Variants in DPF1 observed in about 807,000 individuals in gnomAD.
The protein encoded by DPF1 is zinc finger protein neuro-d4.
DPF1 carries 14 observed loss-of-function variants against 58.7 expected under a neutral mutation model. That is an observed-to-expected ratio of 0.24 (90% CI 0.16 to 0.37). DPF1 has a LOEUF of 0.37. DPF1 is among the 10% of genes least tolerant of loss of function. The probability of loss-of-function intolerance (pLI) is 1.00; values close to 1 mark genes in which losing one functional copy is unlikely to be tolerated. For missense variants in DPF1, 345 were observed against 529.9 expected (o/e 0.65, Z 3.43); for synonymous variants, 216 against 216.0 (o/e 1.00, Z 0.00).
chr19:38,227,480 C>A (rs765776820), upstream of DPF1, among the ~76,000 whole-genome samples: 1 of 152,102 alleles, frequency 6.6e-6, no homozygotes, highest in Non-Finnish European at 1.5e-5. Flanking sequence ...CCCACATACT[C>A]TCCTACACAC....
Position 38,222,615 on chromosome 19 carries a change from G to T in DPF1, c.123C>A (p.Leu41=), listed in dbSNP as rs748567481. Residue 41 remains leucine (L), a synonymous_variant, in exon 2 of 12, where the codon CTC becomes CTA. Coordinates refer to ENST00000355526, the MANE Select transcript of DPF1 (RefSeq NM_001135155.3). The surrounding 1 kb of genome is among the most constrained non-coding windows in gnomAD (Gnocchi z 4.9). ...CAERSLRLPF[L]DSQTGVAQNN... is the part of the protein sequence containing the mutation. ...TCTGGGCCACGCCGGTCTGCGAGTC[G>T]AGGAAGGGCAGTCGCAGGCTGCGCT... 1 of 1,611,946 alleles carries T rather than the reference G, an allele frequency of 6.2e-7. No homozygotes were observed. Among genetic ancestry groups the T allele is most frequent in the African/African-American group, 1.3e-5 (1 of 74,862 alleles).
chr19:38,224,052 C>T lies in DPF1; in HGVS notation c.29+62G>A. 3 of 1,464,932 alleles carry T rather than the reference C, an allele frequency of 2.0e-6. No homozygotes were observed. The highest frequency in any genetic ancestry group is 2.7e-6 in the Non-Finnish European group (3 of 1,118,866). The allele number at this position is 1,464,932 out of a possible 1,614,324, so 90.7% of individuals were successfully genotyped here. A position where few individuals can be genotyped will look rare whatever the true frequency, so the allele number is the denominator to read the frequency against. On this transcript the variant is annotated intron_variant, in intron 1 of 11. Transcript: ENST00000355526. The surrounding 1 kb of genome is among the most constrained non-coding windows in gnomAD (Gnocchi z 4.5). The stretch of plus-strand genomic sequence containing the variant: ...TTCGGCCCCACCCCCGGTCGCCACA[C>T]ACACACAGGCCCGCGTAGACCCGCC...
At chr19:38,228,275 C>T (rs984762410), upstream of DPF1, among the ~76,000 whole-genome samples, 1 of 152,030 alleles carries the variant, frequency 6.6e-6, no homozygotes, top group African/African-American at 2.4e-5. Context: ...AACTCCCACC[C>T]TCCACCTCCC....
chr19:38,221,503 G>A (rs535775502), intron 3 of DPF1, among the ~76,000 whole-genome samples: 1 of 150,510 alleles, frequency 6.6e-6, no homozygotes, highest in African/African-American at 2.5e-5. Context: ...TTGCGCCACT[G>A]TACTCCAGCC....
At chr19:38,214,719 T>C (rs1966885060) in intron 9 of DPF1, among the ~76,000 whole-genome samples, 1 of 152,014 alleles carries the variant, frequency 6.6e-6, no homozygotes, top group Admixed American at 6.6e-5. Flanking sequence ...GGCTGCAGCA[T>C]AGTGGCACCA....
chr19:38,228,852 G>A (rs1285834675), upstream of DPF1, among the ~76,000 whole-genome samples: 1 of 151,720 alleles, frequency 6.6e-6, no homozygotes, highest in African/African-American at 2.4e-5. Context: ...AGGGAGAAAG[G>A]GAGGGAATCC....
At chr19:38,226,085 G>A (rs997867481), upstream of DPF1, among the ~76,000 whole-genome samples, 1 of 151,954 alleles carries the variant, frequency 6.6e-6, no homozygotes, top group Admixed American at 6.6e-5. Flanking sequence ...GAAGGAAGGA[G>A]GCAGGCACCC....
chr19:38,211,272 CG>C lies in DPF1; in HGVS notation c.*790del, dbSNP rs1013897156. The stretch of plus-strand genomic sequence containing the variant: ...GGGGGGCGGGGGCCGCCAGGCCTGG[CG>C]GGGCGGGAGGAGGGAGAGAAAAGGA... On this transcript the variant is annotated 3_prime_UTR_variant, in exon 12 of 12. Transcript: ENST00000355526. The surrounding 1 kb of genome is among the most constrained non-coding windows in gnomAD (Gnocchi z 4.0). 3.3e-5 allele frequency: 5 copies of C among 151,518 alleles called. No individual in the cohort carries two copies. The highest frequency in any genetic ancestry group is 1.2e-4 in the African/African-American group (5 of 41,284). The allele number at this position is 151,518 out of a possible 1,614,324, so 9.4% of individuals were successfully genotyped here. A position where few individuals can be genotyped will look rare whatever the true frequency, so the allele number is the denominator to read the frequency against.
rs1273989196 is a variant in DPF1, at chr19:38,211,901, G to A, written c.*162C>T. The stretch of plus-strand genomic sequence containing the variant: ...CTGGCCGGGCCCACCCACCCACAGG[G>A]CAGACATTCCACTTGCACAGAGGGG... On this transcript the variant is annotated 3_prime_UTR_variant, in exon 12 of 12. Transcript: ENST00000355526. The surrounding 1 kb of genome is among the most constrained non-coding windows in gnomAD (Gnocchi z 4.0). The A allele has an allele frequency of 4.0e-6, 3 of 745,734 alleles. No homozygotes were observed. The highest frequency in any genetic ancestry group is 6.5e-6 in the Non-Finnish European group (3 of 463,236). The allele number at this position is 745,734 out of a possible 1,614,324, so 46.2% of individuals were successfully genotyped here.
Position 38,224,162 on chromosome 19 carries a change from C to CT in DPF1, c.-21_-20insA. The CT allele has an allele frequency of 6.9e-7, 1 of 1,452,854 alleles. No individual in the cohort carries two copies. The highest frequency in any genetic ancestry group is 9.0e-7 in the Non-Finnish European group (1 of 1,106,144). The allele number at this position is 1,452,854 out of a possible 1,614,324, so 90.0% of individuals were successfully genotyped here. A position where few individuals can be genotyped will look rare whatever the true frequency, so the allele number is the denominator to read the frequency against. ...GGCCATCTTGCTCCCCGGGTCCTGC[C>CT]CCCAGCAGGTCCCCGCCGGGTCGGT... is the stretch of plus-strand genomic sequence containing the variant. On this transcript the variant is annotated 5_prime_UTR_variant, in exon 1 of 12. Transcript: ENST00000355526. The surrounding 1 kb of genome is among the most constrained non-coding windows in gnomAD (Gnocchi z 4.5).
chr19:38,216,037 C>G (rs2278430), intron 9 of DPF1, 103 bp downstream of exon 9: 739,948 of 1,491,184 alleles, frequency 0.5, 188,327 homozygotes, highest in East Asian at 0.78. Context: ...CTACATGCTC[C>G]GGGTCCCCTC....
In DPF1 at chr19:38,218,344, G is replaced by T. The variant is rs1045424982; in HGVS notation, c.516+229C>A. ...CCTCTGTGGCATGGGGATGAAGGTA[G>T]CTCTAACCCACTGCATAATCTCTGC... is the stretch of plus-strand genomic sequence containing the variant. On this transcript the variant is annotated intron_variant, in intron 5 of 11. Coordinates refer to ENST00000355526, the MANE Select transcript of DPF1 (RefSeq NM_001135155.3). Among the ~76,000 whole-genome samples the T allele has an allele frequency of 2.6e-5, 4 of 152,356 alleles. No homozygotes were observed. The East Asian group carries it at 7.7e-4, about 29-fold the overall frequency.
upstream of DPF1, among the ~76,000 whole-genome samples, chr19:38,227,034 CT>C (rs1967862384): frequency 1.0e-4 from 14 of 135,088 alleles, no homozygotes; most frequent in East Asian, 6.5e-4. Context: ...TCCTTCCTTC[CT>C]TTCTTTCTTT....
At chr19:38,219,909 T>G (rs67737736) in intron 3 of DPF1, 28,261 of 151,890 alleles carry the variant, frequency 0.19, 2,725 homozygotes, top group African/African-American at 0.22. Flanking sequence ...GCCAGGCGCG[T>G]TGGCTCACAC....
chr19:38,218,639 C>T lies in DPF1; in HGVS notation c.450G>A (p.Pro150=), dbSNP rs750895914. The T allele has an allele frequency of 8.1e-6, 13 of 1,614,062 alleles. No homozygotes were observed. The East Asian group carries it at 1.1e-4, about 14-fold the overall frequency. Residue 150 remains proline (P), a synonymous_variant, in exon 5 of 12, where the codon CCG becomes CCA. Coordinates refer to ENST00000355526, the MANE Select transcript of DPF1 (RefSeq NM_001135155.3). ...CCAAGTCTTCCACCTCGAGGTCATG[C>T]GGAAACTCCAGCAACTGCTGTTTCT... The part of the protein sequence containing the change: ...DCQKQQLLEF[P]HDLEVEDLED...
In DPF1 at chr19:38,222,946, G is replaced by A. The variant is rs1003952158; in HGVS notation, c.30-238C>T. On this transcript the variant is annotated intron_variant, in intron 1 of 11. Coordinates refer to ENST00000355526, the MANE Select transcript of DPF1 (RefSeq NM_001135155.3). The surrounding 1 kb of genome is among the most constrained non-coding windows in gnomAD (Gnocchi z 4.9). ...AGCTCATGAGTAGAAACACGATACA[G>A]AAACAAACAAAAACACACCGGGACG... The A allele has an allele frequency of 3.8e-5, 20 of 524,544 alleles. No individual in the cohort carries two copies. Among genetic ancestry groups the A allele is most frequent in the Non-Finnish European group, 4.9e-5 (15 of 305,166 alleles). The allele number at this position is 524,544 out of a possible 1,614,324, so 32.5% of individuals were successfully genotyped here.
chr19:38,217,631 C>T (rs933338468), intron 6 of DPF1, 40 bp from the exon 7 acceptor site: 19 of 1,530,402 alleles, frequency 1.2e-5, no homozygotes, highest in Non-Finnish European at 1.7e-5. Flanking sequence ...TCAGCCCCTC[C>T]GGGCCCCTGC....
Position 38,222,219 on chromosome 19 carries a change from A to G in DPF1, c.298+138T>C. The G allele has an allele frequency of 1.4e-6, 1 of 728,024 alleles. No individual in the cohort carries two copies. The highest frequency in any genetic ancestry group is 2.2e-6 in the Non-Finnish European group (1 of 452,848). The allele number at this position is 728,024 out of a possible 1,614,324, so 45.1% of individuals were successfully genotyped here. ...AGAAACTGTGGAATCTCTGGGAAACACCCGGGACGCACATGGGCAGACAGA... is the reference window on the plus strand; with the variant it reads ...AGAAACTGTGGAATCTCTGGGAAACGCCCGGGACGCACATGGGCAGACAGA... On this transcript the variant is annotated intron_variant, in intron 3 of 11. Transcript: ENST00000355526. This position sits in a 1 kb window ranked among gnomAD's most constrained non-coding sequence, Gnocchi z 4.9.
rs1265689320 is a variant in DPF1, at chr19:38,220,167, GAAAA to G, written c.299-1113_299-1110del. Reference sequence around the variant, plus strand: ...CGTGCCACTGCACTCCAAACTGGGTGAAAAAAAAAAAGAAAGGAAGAAGGAAGGA... The same window carrying G: ...CGTGCCACTGCACTCCAAACTGGGTGAAAAAAAGAAAGGAAGAAGGAAGGA... On this transcript the variant is annotated intron_variant, in intron 3 of 11. Transcript: ENST00000355526. Among the ~76,000 whole-genome samples, 4 of 118,322 alleles carry G rather than the reference GAAAA, an allele frequency of 3.4e-5. No homozygotes were observed. The South Asian group carries it at 8.2e-4, about 24-fold the overall frequency. The allele number at this position is 118,322 out of a possible 152,430, so 77.6% of individuals were successfully genotyped here.
Sources: gnomAD v4.1 joint callset for allele counts (sites outside exome capture counted in the v4.1 genomes callset) on GRCh38, gnomAD v4.1.1 for gene constraint, Gnocchi (gnomAD v3.1) non-coding constraint, MANE v1.5 for transcripts, NCBI Gene and HGNC (gene_info 2026-07-23, HGNC 2026-07-21) for gene names.